The following MYO18B variants were observed in gnomAD, a reference collection of about 807,000 sequenced individuals.
MYO18B encodes myosin XVIIIB.
A neutral mutation model predicts 273.0 loss-of-function variants in MYO18B; 204 were observed. The observed-to-expected ratio is 0.75, with a 90% confidence interval of 0.67 to 0.84. The LOEUF (loss-of-function observed/expected upper bound fraction) is 0.84. Among genes scored for constraint, MYO18B ranks in the 40% least tolerant of loss-of-function variants. The pLI is 0.00. For synonymous variants in MYO18B, 1,330 were observed against 1,305.7 expected (o/e 1.02, Z -0.40); for missense variants, 3,212 against 3,287.6 (o/e 0.98, Z 0.56).
At chr22:25,963,554 C>T (rs1439005670) in intron 39 of MYO18B, among the ~76,000 whole-genome samples, 1 of 146,422 alleles carries the variant, frequency 6.8e-6, no homozygotes, top group East Asian at 2.0e-4. Flanking sequence ...CTAGTATGAC[C>T]TCAGCTTAAC....
At chr22:25,983,759 C>A (rs550761811) in intron 39 of MYO18B, among the ~76,000 whole-genome samples, 1 of 152,336 alleles carries the variant, frequency 6.6e-6, no homozygotes, top group East Asian at 1.9e-4. Context: ...AGCAGCAGTA[C>A]CTCCTTTTAA....
chr22:25,955,154 G>T (rs1182094295), intron 38 of MYO18B, 25 bp from the exon 39 acceptor site: 1 of 1,563,618 alleles, frequency 6.4e-7, no homozygotes, highest in Non-Finnish European at 8.7e-7. Context: ...ACTCCAAGGT[G>T]GGCATGTGTC....
intron 1 of MYO18B, among the ~76,000 whole-genome samples, chr22:25,745,196 G>T (rs1278340625): frequency 6.6e-6 from 1 of 152,164 alleles, no homozygotes; most frequent in Non-Finnish European, 1.5e-5. Context: ...TGCAACCTCT[G>T]CCTCCGAGGT....
At chr22:25,922,483 A>G (rs533951920) in intron 34 of MYO18B, among the ~76,000 whole-genome samples, 14 of 152,300 alleles carry the variant, frequency 9.2e-5, no homozygotes, top group South Asian at 2.1e-4. Flanking sequence ...ACCGGTCCCC[A>G]TGGGGAGCTG....
At chr22:25,917,348 C>T (rs1044352843) in intron 33 of MYO18B, among the ~76,000 whole-genome samples, 1 of 151,996 alleles carries the variant, frequency 6.6e-6, no homozygotes, top group Non-Finnish European at 1.5e-5. Flanking sequence ...CATAGTTTCT[C>T]TTTATGTATT....
intron 22 of MYO18B, among the ~76,000 whole-genome samples, chr22:25,872,368 T>C (rs747294987): frequency 9.9e-5 from 15 of 152,228 alleles, no homozygotes; most frequent in Non-Finnish European, 2.1e-4. Flanking sequence ...CAGCTTCATG[T>C]TGACGGACAT....
At chr22:25,992,159 A>G (rs531068084) in intron 39 of MYO18B, among the ~76,000 whole-genome samples, 6 of 152,270 alleles carry the variant, frequency 3.9e-5, no homozygotes, top group African/African-American at 9.6e-5. Flanking sequence ...TGGAGTATCT[A>G]TTCCCTCCTC....
At chr22:26,038,338 G>A in the MYO18B span, among the ~76,000 whole-genome samples, 8 of 152,196 alleles carry the variant, frequency 5.3e-5, no homozygotes, top group Admixed American at 5.2e-4. Flanking sequence ...TAGGCGAGCT[G>A]TATGGGTGGG....
At chr22:25,931,757 A>G (rs2092506282) in intron 34 of MYO18B, among the ~76,000 whole-genome samples, 1 of 138,566 alleles carries the variant, frequency 7.2e-6, no homozygotes, top group South Asian at 2.2e-4. Flanking sequence ...ATCATGGCTC[A>G]CTGCAGCCTC....
intron 40 of MYO18B, among the ~76,000 whole-genome samples, chr22:25,995,668 G>A (rs12485050): frequency 0.1 from 15,564 of 152,190 alleles, 869 homozygotes; most frequent in South Asian, 0.15. Context: ...CAGTCTTGGC[G>A]TAGGGGAGAA....
rs1286923099 is a variant in MYO18B, at chr22:25,908,728, A to G, written c.5259+296A>G. ...TGATGCCAAGGACTTGTAAATTTCA[A>G]TAATAGAACCAATTCTTTCTTACTA... On this transcript the variant is annotated intron_variant, in intron 32 of 43. Coordinates refer to ENST00000335473, the MANE Select transcript of MYO18B (RefSeq NM_032608.7). 7.2e-5 allele frequency among the ~76,000 whole-genome samples: 11 copies of G among 152,350 alleles called. No homozygotes were observed. In the East Asian group the frequency reaches 1.5e-3, roughly 21 times the overall value.
At chr22:25,750,128 A>G (rs1001418504) in intron 1 of MYO18B, among the ~76,000 whole-genome samples, 2 of 152,166 alleles carry the variant, frequency 1.3e-5, no homozygotes, top group Non-Finnish European at 2.9e-5. Context: ...GAGGATAGCA[A>G]CAGTGAAGCT....
chr22:25,775,921 T>C (rs2086897305), intron 7 of MYO18B, among the ~76,000 whole-genome samples: 1 of 151,886 alleles, frequency 6.6e-6, no homozygotes, highest in Non-Finnish European at 1.5e-5. Flanking sequence ...TATAGTCCAA[T>C]GCACCTTTTT....
At chr22:25,766,932 A>G (rs529367454) in intron 3 of MYO18B, among the ~76,000 whole-genome samples, 2 of 152,208 alleles carry the variant, frequency 1.3e-5, no homozygotes, top group Non-Finnish European at 2.9e-5. Flanking sequence ...GATAGCGGAC[A>G]TGAGTTTGGA....
intron 10 of MYO18B, among the ~76,000 whole-genome samples, chr22:25,784,170 T>C (rs1172085374): frequency 6.6e-6 from 1 of 152,224 alleles, no homozygotes; most frequent in South Asian, 2.1e-4. Context: ...GCAGTCTCCC[T>C]TCCTCACCAG....
intron 28 of MYO18B, among the ~76,000 whole-genome samples, chr22:25,895,912 G>T (rs1359669851): frequency 5.3e-5 from 8 of 150,824 alleles, no homozygotes; most frequent in Non-Finnish European, 1.2e-4. Flanking sequence ...CAGGTGTTCT[G>T]CATTGTGGAA....
intron 10 of MYO18B, among the ~76,000 whole-genome samples, chr22:25,782,642 A>T (rs995844082): frequency 1.3e-5 from 2 of 152,186 alleles, no homozygotes; most frequent in African/African-American, 4.8e-5. Context: ...GTTTTCCCAC[A>T]TGAGGGGTGA....
chr22:26,034,555 C>G (rs1936742099), downstream of MYO18B, among the ~76,000 whole-genome samples: 1 of 143,084 alleles, frequency 7.0e-6, no homozygotes, highest in Non-Finnish European at 1.5e-5. Context: ...GAACTGCTCC[C>G]TGATGCCTCT....
chr22:26,036,756 C>T, the MYO18B span, among the ~76,000 whole-genome samples: 101 of 152,324 alleles, frequency 6.6e-4, no homozygotes, highest in Non-Finnish European at 1.3e-3. Context: ...TAAAGAGGTT[C>T]TGCAGCAAAA....
Sources: allele counts gnomAD v4.1 joint callset (sites outside exome capture counted in the v4.1 genomes callset), GRCh38; gene constraint gnomAD v4.1.1; transcripts MANE v1.5; gene names NCBI Gene and HGNC (gene_info 2026-07-23, HGNC 2026-07-21).